The following KCNAB3 variants were observed in gnomAD, a reference collection of about 807,000 sequenced individuals.
KCNAB3 encodes potassium voltage-gated channel subfamily A regulatory beta subunit 3.
A neutral mutation model predicts 67.7 loss-of-function variants in KCNAB3; 62 were observed. The ratio of observed to expected loss-of-function variants is 0.92; its 90% confidence interval spans 0.75 to 1.13. The LOEUF is 1.13. Among genes scored for constraint, KCNAB3 ranks in the 50% most tolerant of loss-of-function variants. The pLI is 0.00. For missense variants in KCNAB3, 514 were observed against 522.9 expected (o/e 0.98, Z 0.17); for synonymous variants, 212 against 205.4 (o/e 1.03, Z -0.27).
rs745315114 is a variant in KCNAB3 at position 7,923,532 on chromosome 17, C to T, written c.1061G>A (p.Arg354His). 8 of 1,610,262 alleles carry T rather than the reference C, an allele frequency of 5.0e-6. No individual in the cohort carries two copies. In the African/African-American group the frequency reaches 8.0e-5, roughly 16 times the overall value. ...VAQLAIAWCL[R>H]SEGVSSVLLG... Reference sequence around the variant, plus strand: ...CAAGACAGAGCTGACACCCTCACTGCGGAGACACCACGCTGGGGCCAGAGG... The same window carrying T: ...CAAGACAGAGCTGACACCCTCACTGTGGAGACACCACGCTGGGGCCAGAGG... The change falls in exon 13 of 14, where the codon CGC becomes CAC. Residue 354 changes from arginine (R) to histidine (H), a missense_variant. Coordinates refer to ENST00000303790, the MANE Select transcript of KCNAB3 (RefSeq NM_004732.4).
At position 7,925,096 on chromosome 17, in the gene KCNAB3, C is replaced by T. The variant is rs775466878; in HGVS notation, c.625+1G>A. The T allele has an allele frequency of 6.2e-7, 1 of 1,608,976 alleles. No individual in the cohort carries two copies. The highest frequency in any genetic ancestry group is 8.5e-7 in the Non-Finnish European group (1 of 1,176,668). On this transcript the variant is annotated splice_donor_variant, in intron 8 of 13. Transcript: ENST00000303790. LOFTEE classifies it high-confidence loss of function. ...GTAAGGTTTGGGGGTGCTGCTTTTA[C>T]CCTCCATAGGACAGTTGGGGTCTGA...
At chr17:7,927,318 C>T (rs756083511) in intron 4 of KCNAB3, 26 bp downstream of exon 4, 25 of 1,603,686 alleles carry the variant, frequency 1.6e-5, no homozygotes, top group Non-Finnish European at 1.9e-5. Context: ...CCAAATGGAG[C>T]TTAGCTCTTT....
chr17:7,923,041 C>T lies in KCNAB3; in HGVS notation c.*61G>A. On this transcript the variant is annotated 3_prime_UTR_variant, in exon 14 of 14. Transcript: ENST00000303790. ...GGATCCGGAGCGGGAGAGGCGGCTG[C>T]GAGGAGCGGGGCTCGGGCGGGTGCA... 1.3e-6 allele frequency: 2 copies of T among 1,516,914 alleles called. No homozygotes were observed. Among genetic ancestry groups the T allele is most frequent in the South Asian group, 1.1e-5 (1 of 88,938 alleles). 94.0% of individuals were successfully genotyped at this position (1,516,914 alleles called of 1,614,324 possible).
rs1972063875 is a variant in KCNAB3 at position 7,922,391 on chromosome 17, T to A, written c.*711A>T. ...GCGTCCCTGCCCGTGACGGAAAGGC[T>A]GTCACTAATTCCTGCCAAGAACAGC... is the stretch of plus-strand genomic sequence containing the variant. On this transcript the variant is annotated 3_prime_UTR_variant, in exon 14 of 14. Transcript: ENST00000303790. The A allele has an allele frequency of 6.6e-6, 1 of 152,208 alleles. No homozygotes were observed. Among genetic ancestry groups the A allele is most frequent in the Non-Finnish European group, 1.5e-5 (1 of 68,044 alleles). 9.4% of individuals were successfully genotyped at this position (152,208 alleles called of 1,614,324 possible).
Position 7,924,470 on chromosome 17 carries a change from T to C in KCNAB3, c.656A>G (p.Asn219Ser). The C allele has an allele frequency of 6.2e-7, 1 of 1,614,098 alleles. No homozygotes were observed. The highest frequency in any genetic ancestry group is 1.1e-5 in the South Asian group (1 of 91,064). Reference protein sequence around the residue: ...EIVRAMTYVINQGLALYWGTS... With the variant: ...EIVRAMTYVISQGLALYWGTS... ...CCCCCAGTATAGGGCCAGGCCCTGG[T>C]TGATGACATAGGTCATGGCTCGCAC... is the stretch of plus-strand genomic sequence containing the variant. The change falls in exon 9 of 14, where the codon AAC becomes AGC. Residue 219 changes from asparagine to serine, a missense_variant. Physicochemically the swap from Asn to Ser is conservative, Grantham distance 46 (BLOSUM62 1). Coordinates refer to ENST00000303790, the MANE Select transcript of KCNAB3 (RefSeq NM_004732.4).
chr17:7,927,121 C>T (rs75677509), intron 4 of KCNAB3: 11,502 of 565,808 alleles, frequency 0.02, 168 homozygotes, highest in Middle Eastern at 0.054. Context: ...TATTTGTTGC[C>T]TTTATTTAAT....
At chr17:7,928,798 C>A (rs1174967692) in intron 1 of KCNAB3, among the ~76,000 whole-genome samples, 1 of 152,158 alleles carries the variant, frequency 6.6e-6, no homozygotes, top group Admixed American at 6.5e-5. Context: ...GGGTCAGGCA[C>A]CCCGAGCAGG....
At position 7,922,467 on chromosome 17, in the gene KCNAB3, A is replaced by AG. The variant is rs1972066509; in HGVS notation, c.*634dup. ...GGCCACTTTCACCAGACTGCAGCGT[A>AG]GATGTGCTATTACATTTCCCTCTAC... On this transcript the variant is annotated 3_prime_UTR_variant, in exon 14 of 14. Coordinates refer to ENST00000303790, the MANE Select transcript of KCNAB3 (RefSeq NM_004732.4). 1 of 152,484 alleles carries AG rather than the reference A, an allele frequency of 6.6e-6. No individual in the cohort carries two copies. Among genetic ancestry groups the AG allele is most frequent in the Admixed American group, 6.5e-5 (1 of 15,304 alleles). The allele number at this position is 152,484 out of a possible 1,614,324, so 9.4% of individuals were successfully genotyped here.
chr17:7,927,256 G>T, intron 4 of KCNAB3, 88 bp downstream of exon 4: 1 of 1,262,438 alleles, frequency 7.9e-7, no homozygotes, highest in South Asian at 1.2e-5. Context: ...AGAAGTCCCA[G>T]GGTTCTTTAG....
intron 4 of KCNAB3, 43 bp downstream of exon 4, chr17:7,927,301 C>A: frequency 6.4e-7 from 1 of 1,556,224 alleles, no homozygotes; most frequent in Non-Finnish European, 8.9e-7. Context: ...GGGGTCCTCT[C>A]AGCCTTCCAA....
Position 7,922,935 on chromosome 17 carries a change from G to A in KCNAB3, c.*167C>T. ...TCTCGACCCCACTGCAAAAGGATATGGCTTTGTTCATGCGTATCACTACTC... is the reference window on the plus strand; with the variant it reads ...TCTCGACCCCACTGCAAAAGGATATAGCTTTGTTCATGCGTATCACTACTC... On this transcript the variant is annotated 3_prime_UTR_variant, in exon 14 of 14. Coordinates refer to ENST00000303790, the MANE Select transcript of KCNAB3 (RefSeq NM_004732.4). 1 of 652,406 alleles carries A rather than the reference G, an allele frequency of 1.5e-6. No homozygotes were observed. 40.4% of individuals were successfully genotyped at this position (652,406 alleles called of 1,614,324 possible). A position where few individuals can be genotyped will look rare whatever the true frequency, so the allele number is the denominator to read the frequency against.
In KCNAB3 at chr17:7,927,588, C is replaced by G. The variant is rs1438938113; in HGVS notation, c.324+69G>C. The G allele has an allele frequency of 1.4e-5, 23 of 1,588,412 alleles. No homozygotes were observed. In the Admixed American group the frequency reaches 3.0e-4, roughly 21 times the overall value. ...TGTGCTTGTTGTCCAAACCCCTATC[C>G]AGGTTCACTTCCCTTTTTTCAAGTT... On this transcript the variant is annotated intron_variant, in intron 3 of 13. Transcript: ENST00000303790.
Position 7,928,965 on chromosome 17 carries a change from G to C in KCNAB3, c.242+229C>G, listed in dbSNP as rs1342130637. 8 of 636,510 alleles carry C rather than the reference G, an allele frequency of 1.3e-5. No individual in the cohort carries two copies. The Admixed American group carries it at 2.2e-4, about 17-fold the overall frequency. The allele number at this position is 636,510 out of a possible 1,614,324, so 39.4% of individuals were successfully genotyped here. ...GGAGGGAAGCTCAGGGGCATCCCCT[G>C]GGTCTGACAGGACCCAGTCAACCTT... On this transcript the variant is annotated intron_variant, in intron 1 of 13. Transcript: ENST00000303790.
At position 7,923,835 on chromosome 17, in the gene KCNAB3, G is replaced by A; in HGVS notation, c.928-4C>T. On this transcript the variant is annotated splice_region_variant and splice_polypyrimidine_tract_variant and intron_variant, in intron 11 of 13. Coordinates refer to ENST00000303790, the MANE Select transcript of KCNAB3 (RefSeq NM_004732.4). ...TGTCCTTGAGCCACTGGTAGCCCTG[G>A]AGGCCAAGAAGAATCAACAGAAGAC... The A allele has an allele frequency of 6.4e-7, 1 of 1,570,734 alleles. No individual in the cohort carries two copies. The highest frequency in any genetic ancestry group is 1.2e-5 in the South Asian group (1 of 86,242).
Position 7,929,789 on chromosome 17 carries a change from TGCC to T in KCNAB3, c.-357_-355del. 1 of 1,130,642 alleles carries T rather than the reference TGCC, an allele frequency of 8.8e-7. No individual in the cohort carries two copies. The allele number at this position is 1,130,642 out of a possible 1,614,324, so 70.0% of individuals were successfully genotyped here. ...AGGGGGAAGCGGGGCGGGAGAGAGA[TGCC>T]ACTTCAGCGCGAACCGCTGCGGGAC... On this transcript the variant is annotated 5_prime_UTR_variant, in exon 1 of 14. Coordinates refer to ENST00000303790, the MANE Select transcript of KCNAB3 (RefSeq NM_004732.4). The surrounding 1 kb of genome is among the most constrained non-coding windows in gnomAD (Gnocchi z 5.7).
Position 7,924,528 on chromosome 17 carries a change from A to G in KCNAB3, c.626-28T>C, listed in dbSNP as rs201265541. The stretch of plus-strand genomic sequence containing the variant: ...AGGTACACAGGAGAGGGAAAGCCTT[A>G]CTGTCAGAGCCCTGGAATCTAAGAC... On this transcript the variant is annotated intron_variant, in intron 8 of 13. Coordinates refer to ENST00000303790, the MANE Select transcript of KCNAB3 (RefSeq NM_004732.4). 52 of 1,593,276 alleles carry G rather than the reference A, an allele frequency of 3.3e-5. No homozygotes were observed. In the African/African-American group the frequency reaches 6.2e-4, roughly 19 times the overall value.
In KCNAB3 at chr17:7,923,060, G is replaced by A. The variant is rs1204051669; in HGVS notation, c.*42C>T. On this transcript the variant is annotated 3_prime_UTR_variant, in exon 14 of 14. Transcript: ENST00000303790. ...CGGCTGCGAGGAGCGGGGCTCGGGC[G>A]GGTGCAGCGACACCGGGTTGGGTCC... 4.4e-6 allele frequency: 7 copies of A among 1,583,146 alleles called. No homozygotes were observed. Among genetic ancestry groups the A allele is most frequent in the Non-Finnish European group, 6.1e-6 (7 of 1,152,126 alleles).
intron 11 of KCNAB3, 51 bp downstream of exon 11, chr17:7,923,917 C>T: frequency 1.3e-6 from 2 of 1,578,978 alleles, no homozygotes; most frequent in Non-Finnish European, 1.7e-6. Context: ...TAACTCCCCC[C>T]AAAGCAGCCC....
chr17:7,925,456 G>A, intron 7 of KCNAB3: 1 of 610,784 alleles, frequency 1.6e-6, no homozygotes, highest in South Asian at 1.9e-5. Context: ...TTGAACCCGG[G>A]AGGAGGAGGT....
Sources: allele counts gnomAD v4.1 joint callset (sites outside exome capture counted in the v4.1 genomes callset), GRCh38; gene constraint gnomAD v4.1.1; non-coding constraint Gnocchi (gnomAD v3.1); transcripts MANE v1.5; gene names NCBI Gene and HGNC (gene_info 2026-07-23, HGNC 2026-07-21).